Variants in DPP6 observed in about 807,000 individuals in gnomAD.
DPP6 encodes the protein dipeptidyl peptidase like 6.
DPP6 carries 69 observed loss-of-function variants against 122.6 expected under a neutral mutation model. The ratio of observed to expected loss-of-function variants is 0.56; its 90% CI spans 0.46 to 0.69. The LOEUF (loss-of-function observed/expected upper bound fraction) is 0.69. Ranked by LOEUF, DPP6 falls within the 30% of genes least tolerant of loss-of-function variation. DPP6 has a pLI of 0.00. For synonymous variants in DPP6, 418 were observed against 433.1 expected (o/e 0.97, Z 0.43); for missense variants, 928 against 1,116.9 (o/e 0.83, Z 2.41).
At chr7:154,346,572 G>C (rs554672287) in intron 1 of DPP6, among the ~76,000 whole-genome samples, 4 of 152,146 alleles carry the variant, frequency 2.6e-5, no homozygotes, top group Non-Finnish European at 5.9e-5. Context: ...CTCCCAAAGA[G>C]CTGGGATTAC....
At chr7:154,587,439 G>A in intron 5 of DPP6, 1 of 610,872 alleles carries the variant, frequency 1.6e-6, no homozygotes. Context: ...TCCCTCCTGT[G>A]CATCCCACAC....
intron 1 of DPP6, among the ~76,000 whole-genome samples, chr7:154,359,774 T>C (rs948322112): frequency 1.3e-5 from 2 of 152,192 alleles, no homozygotes; most frequent in African/African-American, 4.8e-5. Context: ...AAAAGGCACT[T>C]TCCCAAACAC....
intron 5 of DPP6, among the ~76,000 whole-genome samples, chr7:154,573,975 A>G (rs917359468): frequency 2.6e-5 from 4 of 152,120 alleles, no homozygotes; most frequent in Non-Finnish European, 5.9e-5. Context: ...TCTGTTTTTG[A>G]AATTATAGAT....
intron 1 of DPP6, among the ~76,000 whole-genome samples, chr7:154,368,221 C>T (rs974046784): frequency 2.0e-5 from 3 of 152,192 alleles, no homozygotes; most frequent in South Asian, 2.1e-4. Flanking sequence ...CCGACTACTG[C>T]GATGTATGCC....
At chr7:154,099,957 C>G (rs143754426) in intron 1 of DPP6, among the ~76,000 whole-genome samples, 52,561 of 121,164 alleles carry the variant, frequency 0.43, 13,881 homozygotes, top group African/African-American at 0.69. Flanking sequence ...CCACAGACCA[C>G]ATGTGGGATA....
chr7:154,326,767 G>A (rs954305043), intron 1 of DPP6, among the ~76,000 whole-genome samples: 9 of 152,220 alleles, frequency 5.9e-5, no homozygotes, highest in Non-Finnish European at 1.0e-4. Flanking sequence ...GCTGTTCAAT[G>A]CTAATTCATA....
chr7:154,555,901 TAAGAA>T (rs1830004218), intron 4 of DPP6, among the ~76,000 whole-genome samples: 1 of 151,990 alleles, frequency 6.6e-6, no homozygotes, highest in African/African-American at 2.4e-5. Flanking sequence ...TAATATTAAA[TAAGAA>T]AACAATATTT....
chr7:154,387,498 G>A (rs1446645848), intron 1 of DPP6, among the ~76,000 whole-genome samples: 4 of 152,234 alleles, frequency 2.6e-5, no homozygotes, highest in Admixed American at 6.5e-5. Flanking sequence ...GAGCCCAGCA[G>A]GTGGGTGGGC....
At chr7:154,460,172 G>T (rs570698718) in intron 2 of DPP6, among the ~76,000 whole-genome samples, 26 of 151,906 alleles carry the variant, frequency 1.7e-4, no homozygotes, top group Non-Finnish European at 3.4e-4. Flanking sequence ...AATAGAGACG[G>T]GGTTTCGCGA....
At chr7:154,567,292 A>G (rs1174545459) in intron 5 of DPP6, among the ~76,000 whole-genome samples, 1 of 152,168 alleles carries the variant, frequency 6.6e-6, no homozygotes, top group Non-Finnish European at 1.5e-5. Flanking sequence ...CTTAAACTGA[A>G]ATAATATGTT....
chr7:154,641,356 G>T (rs560647064), intron 6 of DPP6, among the ~76,000 whole-genome samples: 1 of 152,216 alleles, frequency 6.6e-6, no homozygotes, highest in Non-Finnish European at 1.5e-5. Flanking sequence ...CTATATTTTA[G>T]CGGAACTAAA....
chr7:154,093,241 C>T (rs1382366730), intron 1 of DPP6, among the ~76,000 whole-genome samples: 9 of 149,474 alleles, frequency 6.0e-5, no homozygotes, highest in Admixed American at 5.3e-4. Context: ...ACACACAGCA[C>T]ATAACACACC....
intron 7 of DPP6, among the ~76,000 whole-genome samples, chr7:154,719,295 C>T (rs1841673696): frequency 6.6e-6 from 1 of 152,126 alleles, no homozygotes; most frequent in African/African-American, 2.4e-5. Context: ...CTGGGGGCTC[C>T]AAAGTGGGCT....
chr7:154,393,793 A>T (rs1814835000), intron 1 of DPP6, among the ~76,000 whole-genome samples: 1 of 152,088 alleles, frequency 6.6e-6, no homozygotes, highest in African/African-American at 2.4e-5. Flanking sequence ...CTTACTAAAC[A>T]ATCTCTTCAT....
Position 154,384,737 on chromosome 7 carries a change from C to CTTTT in DPP6, c.244-61476_244-61473dup, listed in dbSNP as rs757829890. On this transcript the variant is annotated intron_variant, in intron 1 of 25. Transcript: ENST00000377770. ...TCTTTTTTTCTTTCTTTCTTTCTTT[C>CTTTT]TTTTATTTTTTTTTGAGACAGAGTC... 8.9e-4 allele frequency among the ~76,000 whole-genome samples: 66 copies of CTTTT among 74,384 alleles called. 1 individual carries two copies. Among genetic ancestry groups the CTTTT allele is most frequent in the African/African-American group, 1.8e-3 (57 of 31,586 alleles). The allele number at this position is 74,384 out of a possible 152,430, so 48.8% of individuals were successfully genotyped here.
At chr7:154,591,462 T>C (rs1832805018) in intron 5 of DPP6, among the ~76,000 whole-genome samples, 2 of 152,138 alleles carry the variant, frequency 1.3e-5, no homozygotes, top group African/African-American at 4.8e-5. Flanking sequence ...ATGGTGCTGA[T>C]GCCAGGGATA....
At chr7:154,478,135 C>T (rs1459255191) in intron 3 of DPP6, among the ~76,000 whole-genome samples, 1 of 151,932 alleles carries the variant, frequency 6.6e-6, no homozygotes, top group Non-Finnish European at 1.5e-5. Flanking sequence ...TTGACAAATA[C>T]TATAGAGTTC....
chr7:154,677,782 A>G (rs190830149), intron 7 of DPP6, among the ~76,000 whole-genome samples: 1 of 152,278 alleles, frequency 6.6e-6, no homozygotes, highest in Non-Finnish European at 1.5e-5. Flanking sequence ...GGGAGTGGGA[A>G]CCCAGCCAGG....
chr7:153,768,496 T>A, the DPP6 span, among the ~76,000 whole-genome samples: 1 of 152,056 alleles, frequency 6.6e-6, no homozygotes, highest in Non-Finnish European at 1.5e-5. Flanking sequence ...TCAAGGCAGT[T>A]GTGCTGGTTT....
Sources: allele counts gnomAD v4.1 joint callset (sites outside exome capture counted in the v4.1 genomes callset), GRCh38; gene constraint gnomAD v4.1.1; transcripts MANE v1.5; gene names NCBI Gene and HGNC (gene_info 2026-07-23, HGNC 2026-07-21).